The following DDX46 variants were observed in gnomAD, a reference collection of about 807,000 sequenced individuals.
DDX46 encodes the protein DEAD-box helicase 46, also known as probable ATP-dependent RNA helicase DDX46.
DDX46 carries 30 observed loss-of-function variants against 134.9 expected under a neutral mutation model. That is an observed-to-expected ratio of 0.22 (90% CI 0.17 to 0.30). The LOEUF (loss-of-function observed/expected upper bound fraction) is 0.30, where lower values mean the gene tolerates loss of function less well. DDX46 is among the 10% of genes least tolerant of loss of function. The pLI is 1.00. For missense variants in DDX46, 622 were observed against 1,248.7 expected, an observed-to-expected ratio of 0.50 and a Z score of 7.56; for synonymous variants, 415 against 404.1, an observed-to-expected ratio of 1.03 and a Z score of -0.32.
intron 13 of DDX46, among the ~76,000 whole-genome samples, chr5:134,794,331 T>TAAAC (rs1343529608): frequency 6.6e-6 from 1 of 152,192 alleles, no homozygotes; most frequent in Non-Finnish European, 1.5e-5. Flanking sequence ...TCTTCCAGGC[T>TAAAC]TTTCTCAGGA....
chr5:134,812,209 C>T (rs2150156901), intron 18 of DDX46, among the ~76,000 whole-genome samples: 1 of 151,936 alleles, frequency 6.6e-6, no homozygotes, highest in Admixed American at 6.6e-5. Flanking sequence ...GGATTACAGG[C>T]ATCCACCACC....
Position 134,782,105 on chromosome 5 carries a change from A to G in DDX46, c.1045+19A>G, listed in dbSNP as rs1212497219. 1.3e-6 allele frequency: 2 copies of G among 1,576,702 alleles called. No homozygotes were observed. The highest frequency in any genetic ancestry group is 2.0e-5 in the Admixed American group (1 of 49,166). On this transcript the variant is annotated intron_variant, in intron 8 of 22. Coordinates refer to ENST00000452510, the MANE Select transcript of DDX46 (RefSeq NM_001300860.2). The stretch of plus-strand genomic sequence containing the variant: ...CAAGAAGGTAAAATTCCATTTTTTC[A>G]TTTACTGGTTATAAGGGAACAGAAG...
At chr5:134,825,549 G>A (rs1440513749) in intron 21 of DDX46, among the ~76,000 whole-genome samples, 1 of 152,126 alleles carries the variant, frequency 6.6e-6, no homozygotes, top group Non-Finnish European at 1.5e-5. Flanking sequence ...CCTCATTTGT[G>A]TTTTTTAAAA....
intron 1 of DDX46, among the ~76,000 whole-genome samples, chr5:134,762,504 A>G (rs139107305): frequency 7.0e-4 from 106 of 152,214 alleles, no homozygotes; most frequent in African/African-American, 2.4e-3. Context: ...AGGCTGAGGC[A>G]GGTAGATCAC....
At chr5:134,804,154 C>G (rs537339513) in intron 15 of DDX46, among the ~76,000 whole-genome samples, 1 of 151,616 alleles carries the variant, frequency 6.6e-6, no homozygotes, top group Non-Finnish European at 1.5e-5. Context: ...GGTGATCTGC[C>G]CACTTTGGCC....
chr5:134,764,113 CA>C, intron 2 of DDX46, 21 bp downstream of exon 2: 1 of 1,580,328 alleles, frequency 6.3e-7, no homozygotes, highest in South Asian at 1.2e-5. Context: ...AATTAATTTC[CA>C]AAAGACGAGT....
chr5:134,801,070 GT>G, intron 15 of DDX46, among the ~76,000 whole-genome samples: 2 of 152,246 alleles, frequency 1.3e-5, no homozygotes, highest in African/African-American at 4.8e-5. Flanking sequence ...GATTGCTTGA[GT>G]CTGGGAGTTT....
intron 16 of DDX46, among the ~76,000 whole-genome samples, chr5:134,808,399 A>C (rs1755050278): frequency 6.6e-6 from 1 of 152,220 alleles, no homozygotes; most frequent in South Asian, 2.1e-4. Context: ...ATTTTATAAT[A>C]AAGTATTGAA....
chr5:134,770,041 C>T (rs1013106385), intron 3 of DDX46, among the ~76,000 whole-genome samples: 2 of 152,020 alleles, frequency 1.3e-5, no homozygotes, highest in African/African-American at 4.8e-5. Context: ...GAATACAAGT[C>T]TAATAAGTGT....
intron 4 of DDX46, among the ~76,000 whole-genome samples, chr5:134,771,974 T>C (rs1037090995): frequency 1.3e-5 from 2 of 152,202 alleles, no homozygotes; most frequent in Non-Finnish European, 2.9e-5. Context: ...CTCGTGCCTG[T>C]AATCTCACCA....
chr5:134,768,831 T>C (rs1288632977), intron 3 of DDX46, among the ~76,000 whole-genome samples: 3 of 151,926 alleles, frequency 2.0e-5, no homozygotes, highest in African/African-American at 7.3e-5. Context: ...GAGGCCGAGG[T>C]GGATGGATCA....
intron 15 of DDX46, among the ~76,000 whole-genome samples, chr5:134,805,884 A>C (rs1754971615): frequency 6.6e-6 from 1 of 152,122 alleles, no homozygotes; most frequent in South Asian, 2.1e-4. Flanking sequence ...ACCTAAACTA[A>C]AGCTCTTTGG....
chr5:134,798,193 GT>G (rs1754726464), intron 15 of DDX46, among the ~76,000 whole-genome samples: 13 of 136,872 alleles, frequency 9.5e-5, no homozygotes, highest in African/African-American at 3.1e-4. Flanking sequence ...TTTTGTTGTT[GT>G]TTGTTTGTTT....
At chr5:134,759,600 A>G (rs148384349) in intron 1 of DDX46, among the ~76,000 whole-genome samples, 193 of 152,278 alleles carry the variant, frequency 1.3e-3, no homozygotes, top group African/African-American at 4.3e-3. Context: ...TTGTTGATAG[A>G]TTGTTAGGAA....
At chr5:134,775,541 GC>G in intron 5 of DDX46, among the ~76,000 whole-genome samples, 1 of 151,996 alleles carries the variant, frequency 6.6e-6, no homozygotes, top group African/African-American at 2.4e-5. Context: ...CTCCTGAGTA[GC>G]TGGGATTACA....
At chr5:134,810,108 T>C (rs1469052353) in intron 16 of DDX46, among the ~76,000 whole-genome samples, 2 of 152,058 alleles carry the variant, frequency 1.3e-5, no homozygotes, top group Non-Finnish European at 2.9e-5. Flanking sequence ...GATGTGGTCT[T>C]GCCATTTTTG....
At chr5:134,809,520 A>C (rs1755079707) in intron 16 of DDX46, among the ~76,000 whole-genome samples, 1 of 152,010 alleles carries the variant, frequency 6.6e-6, no homozygotes, top group East Asian at 2.0e-4. Context: ...GGCGTGTGCC[A>C]CCACGCCTGG....
intron 21 of DDX46, 163 bp from the exon 22 acceptor site, chr5:134,826,784 T>C: frequency 1.8e-6 from 1 of 570,452 alleles, no homozygotes; most frequent in Non-Finnish European, 3.0e-6. Flanking sequence ...GCAGCCATTA[T>C]ATAATGTGGG....
chr5:134,783,346 C>T (rs971447330), intron 9 of DDX46, among the ~76,000 whole-genome samples: 4 of 150,126 alleles, frequency 2.7e-5, no homozygotes, highest in Admixed American at 6.7e-5. Flanking sequence ...CTCGGCCTCC[C>T]GGGCTCAAGC....
Sources: allele counts gnomAD v4.1 joint callset (sites outside exome capture counted in the v4.1 genomes callset), GRCh38; gene constraint gnomAD v4.1.1; transcripts MANE v1.5; gene names NCBI Gene and HGNC (gene_info 2026-07-23, HGNC 2026-07-21).